Variants in GALNTL6 observed in about 807,000 individuals in gnomAD.
GALNTL6 encodes the protein polypeptide N-acetylgalactosaminyltransferase-like 6.
In GALNTL6, 46 loss-of-function variants were observed where a neutral mutation model predicts 73.7. The ratio of observed to expected loss-of-function variants is 0.62; its 90% confidence interval spans 0.49 to 0.80. The LOEUF (loss-of-function observed/expected upper bound fraction) is 0.80. Ranked by LOEUF, GALNTL6 falls within the 30% of genes least tolerant of loss-of-function variation. GALNTL6 has a pLI of 0.00. For synonymous variants in GALNTL6, 259 were observed against 263.7 expected (o/e 0.98, Z 0.17); for missense variants, 604 against 755.0 (o/e 0.80, Z 2.34).
intron 11 of GALNTL6, among the ~76,000 whole-genome samples, chr4:173,020,076 G>A (rs148655417): frequency 1.2e-3 from 182 of 152,300 alleles, no homozygotes; most frequent in African/African-American, 3.9e-3. Flanking sequence ...AAGTCCTATT[G>A]TAAGAATTAC....
At chr4:172,625,780 T>C (rs1739144496) in intron 5 of GALNTL6, among the ~76,000 whole-genome samples, 1 of 152,098 alleles carries the variant, frequency 6.6e-6, no homozygotes, top group African/African-American at 2.4e-5. Context: ...ATTAGTGATG[T>C]TGAGTGTTTT....
At chr4:171,826,914 A>C (rs1046894192) in intron 2 of GALNTL6, among the ~76,000 whole-genome samples, 2 of 152,044 alleles carry the variant, frequency 1.3e-5, no homozygotes, top group Non-Finnish European at 2.9e-5. Context: ...TACCACGTAC[A>C]TTTACCAGTA....
chr4:172,639,413 T>C (rs1023170675), intron 5 of GALNTL6, among the ~76,000 whole-genome samples: 2 of 152,256 alleles, frequency 1.3e-5, no homozygotes, highest in East Asian at 3.9e-4. Context: ...ACTCATTTTC[T>C]CTTCACTTGT....
At chr4:172,673,714 A>C (rs1430535074) in intron 5 of GALNTL6, among the ~76,000 whole-genome samples, 1 of 152,038 alleles carries the variant, frequency 6.6e-6, no homozygotes, top group Non-Finnish European at 1.5e-5. Context: ...TGAACCCTTT[A>C]TTGTTATGTA....
intron 5 of GALNTL6, among the ~76,000 whole-genome samples, chr4:172,480,545 G>A (rs771190969): frequency 2.0e-5 from 3 of 152,148 alleles, no homozygotes; most frequent in East Asian, 1.9e-4. Context: ...AGATAAAAAG[G>A]GATGAGTGAA....
intron 7 of GALNTL6, among the ~76,000 whole-genome samples, chr4:172,881,649 G>C (rs1180127569): frequency 8.5e-5 from 13 of 152,106 alleles, no homozygotes; most frequent in Non-Finnish European, 1.5e-5. Flanking sequence ...ATATCTTTTT[G>C]TGTATATCAA....
intron 2 of GALNTL6, among the ~76,000 whole-genome samples, chr4:171,821,389 A>C (rs1001578880): frequency 1.3e-5 from 2 of 151,814 alleles, no homozygotes; most frequent in African/African-American, 2.4e-5. Context: ...ATCCAATTGA[A>C]CTTAAGGAGA....
intron 7 of GALNTL6, among the ~76,000 whole-genome samples, chr4:172,862,192 A>T (rs1744426311): frequency 6.6e-6 from 1 of 152,222 alleles, no homozygotes; most frequent in Admixed American, 6.5e-5. Flanking sequence ...TGATAGTGAT[A>T]TGGACAATAA....
intron 5 of GALNTL6, among the ~76,000 whole-genome samples, chr4:172,471,507 C>G (rs1480133760): frequency 6.6e-6 from 1 of 152,122 alleles, no homozygotes; most frequent in Non-Finnish European, 1.5e-5. Flanking sequence ...TGTTCTCTTT[C>G]AATGCTTTTT....
At chr4:172,988,219 T>C (rs563126554) in intron 10 of GALNTL6, among the ~76,000 whole-genome samples, 4 of 152,086 alleles carry the variant, frequency 2.6e-5, no homozygotes, top group African/African-American at 4.8e-5. Flanking sequence ...TGGTCTCAGA[T>C]GGAGATGAGG....
chr4:172,048,967 A>C (rs1297447107), intron 2 of GALNTL6, among the ~76,000 whole-genome samples: 1 of 152,150 alleles, frequency 6.6e-6, no homozygotes, highest in African/African-American at 2.4e-5. Flanking sequence ...TTATAATAGG[A>C]AGCTTGATAG....
At chr4:172,523,828 A>G (rs1734863263) in intron 5 of GALNTL6, among the ~76,000 whole-genome samples, 1 of 152,208 alleles carries the variant, frequency 6.6e-6, no homozygotes, top group Non-Finnish European at 1.5e-5. Flanking sequence ...TCTTTAAAAA[A>G]ATTGTCATTG....
chr4:172,352,313 C>G (rs1284857176), intron 5 of GALNTL6, among the ~76,000 whole-genome samples: 1 of 152,124 alleles, frequency 6.6e-6, no homozygotes, highest in Non-Finnish European at 1.5e-5. Context: ...GTCATTTTAG[C>G]CTCAGAACAT....
intron 2 of GALNTL6, among the ~76,000 whole-genome samples, chr4:172,096,927 A>G (rs989950709): frequency 1.3e-5 from 2 of 152,202 alleles, no homozygotes; most frequent in Admixed American, 6.5e-5. Context: ...AAATGCCGGT[A>G]TGTAGAGGAT....
chr4:172,458,809 T>G (rs559725124), intron 5 of GALNTL6, among the ~76,000 whole-genome samples: 5 of 152,298 alleles, frequency 3.3e-5, no homozygotes, highest in Non-Finnish European at 7.4e-5. Context: ...GTGCCATTCC[T>G]TCTGAAACTA....
At chr4:172,320,625 A>G (rs532055891) in intron 4 of GALNTL6, among the ~76,000 whole-genome samples, 2 of 152,330 alleles carry the variant, frequency 1.3e-5, no homozygotes, top group Admixed American at 1.3e-4. Flanking sequence ...TCCTGGTGTC[A>G]GAACAAATAT....
At chr4:172,552,854 A>AAAAAAC (rs1736011192) in intron 5 of GALNTL6, among the ~76,000 whole-genome samples, 2 of 150,796 alleles carry the variant, frequency 1.3e-5, no homozygotes, top group Non-Finnish European at 3.0e-5. Flanking sequence ...AAAAAAAAAA[A>AAAAAAC]AAAGGTAAAA....
At chr4:172,132,777 C>T (rs1206122695) in intron 2 of GALNTL6, among the ~76,000 whole-genome samples, 1 of 152,122 alleles carries the variant, frequency 6.6e-6, no homozygotes, top group East Asian at 1.9e-4. Context: ...AAATGTTCCT[C>T]TTTGAGATTT....
chr4:172,294,342 G>A (rs1022654165), intron 3 of GALNTL6, among the ~76,000 whole-genome samples: 8 of 151,820 alleles, frequency 5.3e-5, no homozygotes, highest in African/African-American at 1.9e-4. Flanking sequence ...ACTCATTATT[G>A]TATTGCCCAT....
Sources: allele counts gnomAD v4.1 joint callset (sites outside exome capture counted in the v4.1 genomes callset), GRCh38; gene constraint gnomAD v4.1.1; transcripts MANE v1.5; gene names NCBI Gene and HGNC (gene_info 2026-07-23, HGNC 2026-07-21).